DNAH14: variants seen among roughly 807,000 people sequenced by gnomAD.
DNAH14 encodes the protein dynein axonemal heavy chain 14, also known as axonemal beta dynein heavy chain 14.
DNAH14 carries 478 observed loss-of-function variants against 520.9 expected under a neutral mutation model. The observed-to-expected ratio is 0.92, with a 90% CI of 0.85 to 0.99. The LOEUF (loss-of-function observed/expected upper bound fraction) is 0.99, where lower values mean the gene tolerates loss of function less well. Ranked by LOEUF, DNAH14 falls within the 50% of genes least tolerant of loss-of-function variation. DNAH14 has a pLI of 0.00. For synonymous variants in DNAH14, 1,581 were observed against 1,757.2 expected (o/e 0.90, Z 2.51); for missense variants, 4,831 against 5,234.5 (o/e 0.92, Z 2.38).
At chr1:225,085,042 A>G (rs957076948) in intron 20 of DNAH14, among the ~76,000 whole-genome samples, 1 of 152,142 alleles carries the variant, frequency 6.6e-6, no homozygotes, top group Non-Finnish European at 1.5e-5. Flanking sequence ...AAGAGAAATG[A>G]TGAAAACTAG....
chr1:224,991,545 G>A (rs1380146495), intron 8 of DNAH14, among the ~76,000 whole-genome samples: 1 of 150,978 alleles, frequency 6.6e-6, no homozygotes, highest in African/African-American at 2.4e-5. Context: ...GTGTGATCTC[G>A]GCTCACTACA....
In DNAH14 at chr1:225,240,780, G is replaced by C; in HGVS notation, c.6706G>C (p.Asp2236His). 6.5e-7 allele frequency: 1 copy of C among 1,549,996 alleles called. No individual in the cohort carries two copies. Among genetic ancestry groups the C allele is most frequent in the Non-Finnish European group, 8.7e-7 (1 of 1,145,902 alleles). ...TCTTGCAAAAGTAACATACGATTTT[G>C]ACAAACTTGTTCATGAATTATTTGG... ...DSLAKVTYDF[D>H]KLVHELFGNS... Residue 2236 changes from aspartate to histidine, a missense_variant, in exon 43 of 86, where the codon GAC (aspartate) becomes CAC (histidine). By Grantham distance (81) the Asp-to-His change is moderately conservative. Coordinates refer to ENST00000682510, the MANE Select transcript of DNAH14 (RefSeq NM_001367479.1).
chr1:225,002,747 TG>T, intron 8 of DNAH14, 35 bp from the exon 9 acceptor site: 1 of 1,525,912 alleles, frequency 6.6e-7, no homozygotes, highest in Non-Finnish European at 8.9e-7. Context: ...TCATTTTGAA[TG>T]AGAGATATAT....
intron 77 of DNAH14, among the ~76,000 whole-genome samples, chr1:225,374,233 A>AAT (rs1553370338): frequency 3.9e-5 from 1 of 25,788 alleles, no homozygotes; most frequent in Admixed American, 6.8e-4. Flanking sequence ...AAATATATAT[A>AAT]ATATATATAT....
intron 31 of DNAH14, among the ~76,000 whole-genome samples, chr1:225,148,204 C>T (rs1321419231): frequency 1.3e-5 from 2 of 152,110 alleles, no homozygotes; most frequent in Non-Finnish European, 2.9e-5. Flanking sequence ...TTTGAGGAAT[C>T]GCCACACTGT....
intron 37 of DNAH14, among the ~76,000 whole-genome samples, chr1:225,190,830 A>G (rs2085332602): frequency 6.6e-6 from 1 of 152,024 alleles, no homozygotes; most frequent in Non-Finnish European, 1.5e-5. Flanking sequence ...TCAGAGTAAA[A>G]GAGAAAATAA....
intron 1 of DNAH14, among the ~76,000 whole-genome samples, chr1:224,951,789 T>C (rs549493908): frequency 6.6e-6 from 1 of 151,984 alleles, no homozygotes; most frequent in African/African-American, 2.4e-5. Flanking sequence ...TAGCTGGGAC[T>C]ACAGGCGCCC....
At chr1:225,153,368 TA>T (rs2080700189) in intron 33 of DNAH14, among the ~76,000 whole-genome samples, 1 of 152,180 alleles carries the variant, frequency 6.6e-6, no homozygotes, top group South Asian at 2.1e-4. Flanking sequence ...TTCTACACTT[TA>T]ACAATTATTG....
At chr1:224,931,481 T>G (rs1196766354) in intron 1 of DNAH14, among the ~76,000 whole-genome samples, 1 of 152,192 alleles carries the variant, frequency 6.6e-6, no homozygotes, top group Non-Finnish European at 1.5e-5. Context: ...TATATTTTTG[T>G]TAAGTACATT....
At chr1:224,933,237 T>G (rs2058809505) in intron 1 of DNAH14, among the ~76,000 whole-genome samples, 1 of 152,126 alleles carries the variant, frequency 6.6e-6, no homozygotes, top group South Asian at 2.1e-4. Flanking sequence ...AGGTCATTAT[T>G]AGTGTATAGA....
At chr1:224,977,680 A>T (rs2061963044) in intron 8 of DNAH14, among the ~76,000 whole-genome samples, 1 of 152,200 alleles carries the variant, frequency 6.6e-6, no homozygotes, top group Non-Finnish European at 1.5e-5. Flanking sequence ...ATGGTTTTCA[A>T]AAAAAGAATG....
chr1:225,280,920 C>T (rs1008863847), intron 54 of DNAH14, among the ~76,000 whole-genome samples: 9 of 152,196 alleles, frequency 5.9e-5, no homozygotes, highest in African/African-American at 2.2e-4. Context: ...AAAGATATTT[C>T]CAGATAAACA....
Position 225,104,436 on chromosome 1 carries a change from T to A in DNAH14, c.3867+3552T>A, listed in dbSNP as rs191406855. Among the ~76,000 whole-genome samples the A allele has an allele frequency of 7.3e-3, 1,117 of 152,292 alleles. 20 individuals are homozygous for A. Among genetic ancestry groups the A allele is most frequent in the African/African-American group, 0.026 (1,072 of 41,570 alleles). ...GGGAGGATTCCCTCTTTTTCTATTG[T>A]TTGGAATTGTTTCAGAAGGAATGGT... is the stretch of plus-strand genomic sequence containing the variant. On this transcript the variant is annotated intron_variant, in intron 23 of 85. Coordinates refer to ENST00000682510, the MANE Select transcript of DNAH14 (RefSeq NM_001367479.1).
intron 60 of DNAH14, among the ~76,000 whole-genome samples, chr1:225,311,643 G>C (rs2094367451): frequency 6.6e-6 from 1 of 152,076 alleles, no homozygotes; most frequent in African/African-American, 2.4e-5. Flanking sequence ...GTAAGGAAGG[G>C]GTCCAGTTTC....
At chr1:225,039,382 C>T (rs1286878151) in intron 12 of DNAH14, among the ~76,000 whole-genome samples, 1 of 149,450 alleles carries the variant, frequency 6.7e-6, no homozygotes, top group East Asian at 2.0e-4. Context: ...TGAAGGAATC[C>T]TAGATAAACT....
intron 1 of DNAH14, among the ~76,000 whole-genome samples, chr1:224,931,904 T>C (rs909446522): frequency 6.6e-6 from 1 of 152,228 alleles, no homozygotes; most frequent in Non-Finnish European, 1.5e-5. Flanking sequence ...TGAATACTGC[T>C]GCAATAAATG....
chr1:225,336,010 C>CACACGTAT (rs1308375041), intron 66 of DNAH14, among the ~76,000 whole-genome samples: 3 of 80,306 alleles, frequency 3.7e-5, no homozygotes, highest in African/African-American at 1.7e-4. Flanking sequence ...TATATGTATA[C>CACACGTAT]GCATATATGC....
intron 8 of DNAH14, among the ~76,000 whole-genome samples, chr1:225,002,277 C>T (rs920369674): frequency 6.6e-6 from 1 of 152,022 alleles, no homozygotes; most frequent in Non-Finnish European, 1.5e-5. Flanking sequence ...ATTTGTCTCA[C>T]CTTTATTTAG....
intron 68 of DNAH14, among the ~76,000 whole-genome samples, chr1:225,338,505 C>T (rs2095109489): frequency 6.6e-6 from 1 of 152,056 alleles, no homozygotes; most frequent in Non-Finnish European, 1.5e-5. Flanking sequence ...TTTGCCTAAC[C>T]TTTTATTTGG....
Sources: allele counts gnomAD v4.1 joint callset (sites outside exome capture counted in the v4.1 genomes callset), GRCh38; gene constraint gnomAD v4.1.1; transcripts MANE v1.5; gene names NCBI Gene and HGNC (gene_info 2026-07-23, HGNC 2026-07-21).